PIWIL1: variants seen among roughly 807,000 people sequenced by gnomAD.
The protein encoded by PIWIL1 is piwi-like protein 1.
In PIWIL1, 73 loss-of-function variants were observed where a neutral mutation model predicts 114.4. That is an observed-to-expected ratio of 0.64 (90% CI 0.53 to 0.78). The LOEUF is 0.78. Ranked by LOEUF, PIWIL1 falls within the 30% of genes least tolerant of loss-of-function variation. The probability of loss-of-function intolerance (pLI) is 0.00; values close to 1 mark genes in which losing one functional copy is unlikely to be tolerated. For synonymous variants in PIWIL1, 375 were observed against 369.0 expected (o/e 1.02, Z -0.19); for missense variants, 723 against 1,063.1 (o/e 0.68, Z 4.45).
chr12:130,387,648 C>T, the PIWIL1 span, among the ~76,000 whole-genome samples: 7 of 114,530 alleles, frequency 6.1e-5, no homozygotes, highest in African/African-American at 2.2e-4. Context: ...ATGCACACCA[C>T]CCCTTCCTGT....
the PIWIL1 span, chr12:130,424,922 C>A: frequency 1.3e-5 from 13 of 996,446 alleles, no homozygotes; most frequent in Non-Finnish European, 3.9e-6. This position sits in a 1 kb window ranked among gnomAD's most constrained non-coding sequence, Gnocchi z 9.8. Context: ...GAAGTGGGGG[C>A]CAGGGGAGGA....
At chr12:130,353,675 C>G (rs2073282465) in intron 9 of PIWIL1, among the ~76,000 whole-genome samples, 1 of 152,080 alleles carries the variant, frequency 6.6e-6, no homozygotes, top group African/African-American at 2.4e-5. Flanking sequence ...GCCTCTAATC[C>G]TAGCACTTTG....
Position 130,349,871 on chromosome 12 carries a change from A to G in PIWIL1, c.948A>G (p.Thr316=), listed in dbSNP as rs758906486. The G allele has an allele frequency of 1.9e-6, 3 of 1,604,120 alleles. No individual in the cohort carries two copies. The highest frequency in any genetic ancestry group is 2.7e-5 in the African/African-American group (2 of 74,688). ...LVVLTKYNNK[T]YRVDDIDWDQ... ...TGATCCCTAGGTATAACAATAAGAC[A>G]TACAGAGTGGATGATATTGACTGGG... Residue 316 remains threonine (T), a synonymous_variant, in exon 9 of 21, where the codon ACA becomes ACG. Transcript: ENST00000245255.
the PIWIL1 span, among the ~76,000 whole-genome samples, chr12:130,384,744 C>A: frequency 1.1e-4 from 16 of 152,282 alleles, no homozygotes; most frequent in African/African-American, 3.1e-4. Context: ...TCATAGAAAA[C>A]CAACAGAGTC....
the PIWIL1 span, chr12:130,412,912 A>C: frequency 3.3e-6 from 3 of 906,978 alleles, no homozygotes; most frequent in Non-Finnish European, 4.9e-6. Flanking sequence ...AATACCATAA[A>C]TCACCTGCAT....
At chr12:130,417,949 C>T in the PIWIL1 span, among the ~76,000 whole-genome samples, 334 of 152,118 alleles carry the variant, frequency 2.2e-3, no homozygotes, top group African/African-American at 7.4e-3. Flanking sequence ...AAGTGAGAAA[C>T]ACGCCAGCTG....
chr12:130,342,147 C>A, intron 1 of PIWIL1: 1 of 141,290 alleles, frequency 7.1e-6, no homozygotes. Context: ...GCCACAAGTG[C>A]CTGTTTCCGT....
intron 18 of PIWIL1, 126 bp from the exon 19 acceptor site, chr12:130,367,007 C>T: frequency 9.0e-7 from 1 of 1,105,574 alleles, no homozygotes; most frequent in Non-Finnish European, 1.3e-6. Flanking sequence ...TCTCCACAAC[C>T]TGGACAGATG....
chr12:130,368,267 A>G (rs2073724810), intron 19 of PIWIL1, among the ~76,000 whole-genome samples: 1 of 152,062 alleles, frequency 6.6e-6, no homozygotes, highest in Non-Finnish European at 1.5e-5. Flanking sequence ...GTGCTTTGGA[A>G]CCTTTGTGAA....
chr12:130,377,301 C>A (rs1053556578), downstream of PIWIL1, among the ~76,000 whole-genome samples: 6 of 152,106 alleles, frequency 3.9e-5, no homozygotes, highest in Admixed American at 6.5e-5. Context: ...GAAAAACAGC[C>A]CCTAGTATTT....
In PIWIL1 at chr12:130,356,962, A is replaced by G. The variant is rs1473713820; in HGVS notation, c.1449A>G (p.Arg483=). The G allele has an allele frequency of 1.9e-6, 3 of 1,612,906 alleles. No individual in the cohort carries two copies. Among genetic ancestry groups the G allele is most frequent in the Non-Finnish European group, 2.5e-6 (3 of 1,179,344 alleles). ...TTGCAGATTGGTCCAAAGAAACAAGAGGTGCACCATTAATTAGTGTTAAGC... is the reference window on the plus strand; with the variant it reads ...TTGCAGATTGGTCCAAAGAAACAAGGGGTGCACCATTAATTAGTGTTAAGC... ...PQFADWSKET[R]GAPLISVKPL... is the part of the protein sequence containing the mutation. The change falls in exon 13 of 21, where the codon AGA becomes AGG. Residue 483 remains arginine (R), a synonymous_variant. Coordinates refer to ENST00000245255, the MANE Select transcript of PIWIL1 (RefSeq NM_004764.5).
rs1465073983 is a variant in PIWIL1, at chr12:130,372,110, G to C, written c.*512G>C. The C allele has an allele frequency of 6.6e-6, 1 of 152,126 alleles. No individual in the cohort carries two copies. Among genetic ancestry groups the C allele is most frequent in the Non-Finnish European group, 1.5e-5 (1 of 68,054 alleles). The allele number at this position is 152,126 out of a possible 1,614,324, so 9.4% of individuals were successfully genotyped here. Reference sequence around the variant, plus strand: ...TTATATAACCTATACACAAGATACAGGAGAAAATATGCTTGATTTTTATTT... The same window carrying C: ...TTATATAACCTATACACAAGATACACGAGAAAATATGCTTGATTTTTATTT... On this transcript the variant is annotated 3_prime_UTR_variant, in exon 21 of 21. Coordinates refer to ENST00000245255, the MANE Select transcript of PIWIL1 (RefSeq NM_004764.5).
the PIWIL1 span, among the ~76,000 whole-genome samples, chr12:130,393,226 CT>C: frequency 4.0e-5 from 1 of 24,942 alleles, no homozygotes; most frequent in Non-Finnish European, 1.1e-4. Flanking sequence ...TCATGTGTGT[CT>C]GTCAGTTACC....
intron 1 of PIWIL1, among the ~76,000 whole-genome samples, chr12:130,340,924 T>G (rs1182453339): frequency 6.6e-6 from 1 of 152,190 alleles, no homozygotes; most frequent in Non-Finnish European, 1.5e-5. Flanking sequence ...GTAAGGGGTC[T>G]TATACAATGA....
intron 3 of PIWIL1, among the ~76,000 whole-genome samples, chr12:130,343,961 G>A (rs2073000806): frequency 2.6e-5 from 4 of 152,128 alleles, no homozygotes; most frequent in African/African-American, 9.7e-5. Context: ...AGTGGTGTGA[G>A]GTCTGATGTG....
At chr12:130,346,668 A>C in intron 5 of PIWIL1, 84 bp downstream of exon 5, 1 of 1,114,472 alleles carries the variant, frequency 9.0e-7, no homozygotes. Context: ...GCTTTTAGAG[A>C]GGCCCCAGGA....
chr12:130,407,890 TC>T, the PIWIL1 span: 1,159 of 1,466,180 alleles, frequency 7.9e-4, 9 homozygotes, highest in African/African-American at 0.015. Flanking sequence ...TTAGCGGTGT[TC>T]CCCTCCTTCC....
At chr12:130,358,948 C>T (rs7974228) in intron 14 of PIWIL1, among the ~76,000 whole-genome samples, 30,866 of 151,990 alleles carry the variant, frequency 0.2, 3,375 homozygotes, top group African/African-American at 0.27. Flanking sequence ...CCATCCTGCT[C>T]ATCCTCTCTC....
At chr12:130,424,101 G>C in the PIWIL1 span, 1 of 1,095,542 alleles carries the variant, frequency 9.1e-7, no homozygotes, top group South Asian at 4.6e-5. The surrounding 1 kb of genome is among the most constrained non-coding windows in gnomAD (Gnocchi z 9.8). Context: ...GGACAGATTG[G>C]TTTGGCAAGC....
Sources: allele counts gnomAD v4.1 joint callset (sites outside exome capture counted in the v4.1 genomes callset), GRCh38; gene constraint gnomAD v4.1.1; non-coding constraint Gnocchi (gnomAD v3.1); transcripts MANE v1.5; gene names NCBI Gene and HGNC (gene_info 2026-07-23, HGNC 2026-07-21).